The following RYR2 variants were observed in gnomAD, a reference collection of about 807,000 sequenced individuals.
RYR2 encodes the protein cardiac muscle ryanodine receptor-calcium release channel.
In RYR2, 227 loss-of-function variants were observed where a neutral mutation model predicts 601.1. The ratio of observed to expected loss-of-function variants is 0.38; its 90% confidence interval spans 0.34 to 0.42. The LOEUF is 0.42. Among genes scored for constraint, RYR2 ranks in the 10% least tolerant of loss-of-function variants. RYR2 has a pLI of 1.00. For missense variants in RYR2, 4,646 were observed against 6,156.5 expected (o/e 0.75, Z 8.21); for synonymous variants, 2,223 against 2,175.1 (o/e 1.02, Z -0.61).
chr1:237,582,189 A>G (rs1288230897), intron 29 of RYR2, among the ~76,000 whole-genome samples: 2 of 151,332 alleles, frequency 1.3e-5, no homozygotes, highest in African/African-American at 4.9e-5. Context: ...TGCAACCTTC[A>G]CCTCCTGGGT....
rs769120285 is a variant in RYR2, at chr1:237,640,847, A to G, written c.7116-50A>G. On this transcript the variant is annotated intron_variant, in intron 46 of 104. Transcript: ENST00000366574. ...CGGAGAGATATGTAATAAACATGAA[A>G]TGTCAGTTATCCCATTTGCTTTCTC... 3.5e-6 allele frequency: 5 copies of G among 1,429,190 alleles called. No homozygotes were observed. The South Asian group carries it at 6.0e-5, about 17-fold the overall frequency. The allele number at this position is 1,429,190 out of a possible 1,614,324, so 88.5% of individuals were successfully genotyped here.
At chr1:237,821,711 T>TAATA (rs1486422528) in intron 101 of RYR2, among the ~76,000 whole-genome samples, 1 of 151,788 alleles carries the variant, frequency 6.6e-6, no homozygotes, top group Non-Finnish European at 1.5e-5. Context: ...AGAAGGTGGG[T>TAATA]AATAACAAAC....
chr1:237,352,801 T>C (rs781677411), intron 3 of RYR2: 1 of 492,182 alleles, frequency 2.0e-6, no homozygotes. Context: ...CATTAGTAAG[T>C]GACAATGCAG....
intron 97 of RYR2, among the ~76,000 whole-genome samples, chr1:237,799,242 G>A (rs1487204516): frequency 3.3e-5 from 5 of 152,112 alleles, no homozygotes; most frequent in Admixed American, 2.6e-4. Flanking sequence ...ATGAAACACC[G>A]ATGGGCAATC....
At chr1:237,406,084 A>G (rs145855211) in intron 10 of RYR2, among the ~76,000 whole-genome samples, 2 of 150,108 alleles carry the variant, frequency 1.3e-5, no homozygotes, top group Admixed American at 1.3e-4. Flanking sequence ...GAGTGAACCC[A>G]AATATCTCCC....
At chr1:237,127,561 G>T (rs1052624549) in intron 1 of RYR2, among the ~76,000 whole-genome samples, 1 of 150,816 alleles carries the variant, frequency 6.6e-6, no homozygotes, top group Non-Finnish European at 1.5e-5. Context: ...CTGGCGGGGG[G>T]CTGACCCCCC....
chr1:237,509,898 G>C (rs1665707822), intron 23 of RYR2, among the ~76,000 whole-genome samples: 1 of 152,212 alleles, frequency 6.6e-6, no homozygotes, highest in Non-Finnish European at 1.5e-5. Flanking sequence ...AGGCAGAAGA[G>C]ACAGGACATT....
At chr1:237,370,007 C>G (rs561186649) in intron 6 of RYR2, among the ~76,000 whole-genome samples, 1 of 152,102 alleles carries the variant, frequency 6.6e-6, no homozygotes, top group East Asian at 1.9e-4. Flanking sequence ...ATTAATTGTA[C>G]TCACCAACTT....
At chr1:237,044,198 T>A (rs63301161) in intron 1 of RYR2, among the ~76,000 whole-genome samples, 3 of 136,638 alleles carry the variant, frequency 2.2e-5, no homozygotes, top group Non-Finnish European at 3.2e-5. Context: ...TTTTTTTTTT[T>A]AAGTAATTAA....
Position 237,549,089 on chromosome 1 carries a change from A to G in RYR2, c.3066+499A>G, listed in dbSNP as rs573611378. 5.7e-4 allele frequency among the ~76,000 whole-genome samples: 87 copies of G among 152,324 alleles called. 2 individuals are homozygous for G. In the South Asian group the frequency reaches 0.017, roughly 29 times the overall value. On this transcript the variant is annotated intron_variant, in intron 26 of 104. Transcript: ENST00000366574. Reference sequence around the variant, plus strand: ...GCAATTCATTCCGCACAAGGGAGGCATGGTCATACCAAAGAGGGGTAAAGG... The same window carrying G: ...GCAATTCATTCCGCACAAGGGAGGCGTGGTCATACCAAAGAGGGGTAAAGG...
intron 11 of RYR2, among the ~76,000 whole-genome samples, chr1:237,422,737 G>A (rs1412813992): frequency 6.6e-6 from 1 of 152,106 alleles, no homozygotes; most frequent in Non-Finnish European, 1.5e-5. Flanking sequence ...TATACTTCCT[G>A]CATTATTTGC....
intron 2 of RYR2, 73 bp from the exon 3 acceptor site, chr1:237,330,805 C>A: frequency 1.8e-6 from 2 of 1,109,598 alleles, no homozygotes; most frequent in Non-Finnish European, 2.8e-6. Flanking sequence ...GAAACTGGAG[C>A]CTCCTAAGGT....
chr1:237,440,005 A>T (rs1011443586), intron 12 of RYR2, among the ~76,000 whole-genome samples: 7 of 152,220 alleles, frequency 4.6e-5, no homozygotes, highest in African/African-American at 1.7e-4. Flanking sequence ...TTTATTACAG[A>T]TACTTAGAAT....
intron 93 of RYR2, chr1:237,791,815 T>G: frequency 1.8e-6 from 1 of 568,118 alleles, no homozygotes. Flanking sequence ...GCATACCGTA[T>G]TATATTACAT....
intron 1 of RYR2, among the ~76,000 whole-genome samples, chr1:237,113,985 C>T (rs982058150): frequency 4.6e-5 from 7 of 152,200 alleles, no homozygotes; most frequent in African/African-American, 1.7e-4. Context: ...ACGCAACTTG[C>T]CTTTTATTCT....
chr1:237,147,802 T>C (rs143636277), intron 1 of RYR2, among the ~76,000 whole-genome samples: 3 of 152,346 alleles, frequency 2.0e-5, no homozygotes, highest in Non-Finnish European at 4.4e-5. Flanking sequence ...AGTCACAAAG[T>C]TTAAACTGGA....
chr1:237,580,600 C>T (rs1157277763), intron 29 of RYR2, among the ~76,000 whole-genome samples: 1 of 152,090 alleles, frequency 6.6e-6, no homozygotes, highest in Non-Finnish European at 1.5e-5. Context: ...CTTTGGTGGA[C>T]ATGTGTCTGC....
intron 1 of RYR2, among the ~76,000 whole-genome samples, chr1:237,073,583 T>G (rs1664642209): frequency 1.3e-5 from 2 of 152,082 alleles, no homozygotes; most frequent in Admixed American, 6.6e-5. Flanking sequence ...TCATTAATAA[T>G]GCTTCAGGGT....
chr1:237,774,811 A>G (rs1243972079), intron 87 of RYR2, among the ~76,000 whole-genome samples: 5 of 152,190 alleles, frequency 3.3e-5, no homozygotes, highest in African/African-American at 1.2e-4. Context: ...TTAGCAAGCC[A>G]CTGGATTTTC....
Sources: allele counts gnomAD v4.1 joint callset (sites outside exome capture counted in the v4.1 genomes callset), GRCh38; gene constraint gnomAD v4.1.1; transcripts MANE v1.5; gene names NCBI Gene and HGNC (gene_info 2026-07-23, HGNC 2026-07-21).